Variants in CNTN5 observed in about 807,000 individuals in gnomAD.
The protein encoded by CNTN5 is contactin 5.
Under a neutral mutation model 129.1 loss-of-function variants are expected in CNTN5, and 77 were observed. The ratio of observed to expected loss-of-function variants is 0.60; its 90% CI spans 0.50 to 0.72. The LOEUF (loss-of-function observed/expected upper bound fraction) is 0.72. CNTN5 is among the 30% of genes least tolerant of loss of function. The pLI, the probability that CNTN5 is intolerant of heterozygous loss-of-function variation, is 0.00. For missense variants in CNTN5, 1,478 were observed against 1,328.8 expected, an observed-to-expected ratio of 1.11 and a Z score of -1.75; for synonymous variants, 509 against 465.6, an observed-to-expected ratio of 1.09 and a Z score of -1.20.
At chr11:99,056,174 C>A (rs1864616721) in intron 1 of CNTN5, among the ~76,000 whole-genome samples, 1 of 151,414 alleles carries the variant, frequency 6.6e-6, no homozygotes, top group South Asian at 2.1e-4. Flanking sequence ...TAAACTTATT[C>A]ACTGGTAAGC....
intron 2 of CNTN5, among the ~76,000 whole-genome samples, chr11:99,366,354 A>G (rs1939445232): frequency 6.6e-6 from 1 of 152,144 alleles, no homozygotes; most frequent in African/African-American, 2.4e-5. Flanking sequence ...TCACAATCAC[A>G]GAACAGGAAA....
At chr11:99,594,104 T>C (rs1838572186) in intron 3 of CNTN5, among the ~76,000 whole-genome samples, 2 of 152,230 alleles carry the variant, frequency 1.3e-5, no homozygotes. Flanking sequence ...GAATAGTCTC[T>C]ATTTTTCATG....
At position 100,042,418 on chromosome 11, in the gene CNTN5, T is replaced by C. The variant is rs376066752; in HGVS notation, c.981-18794T>C. On this transcript the variant is annotated intron_variant, in intron 9 of 24. Transcript: ENST00000524871. ...CACAAAGGAGCCATAACTGTATATA[T>C]TTTCACATCAGATGTAAAATTCATA... Among the ~76,000 whole-genome samples, 6 of 152,310 alleles carry C rather than the reference T, an allele frequency of 3.9e-5. No homozygotes were observed. The South Asian group carries it at 6.2e-4, about 16-fold the overall frequency.
chr11:100,193,499 A>G lies in CNTN5; in HGVS notation c.1720A>G (p.Ile574Val), dbSNP rs1948552635. The G allele has an allele frequency of 1.9e-6, 3 of 1,590,600 alleles. No individual in the cohort carries two copies. Among genetic ancestry groups the G allele is most frequent in the Non-Finnish European group, 2.6e-6 (3 of 1,165,360 alleles). The change falls in exon 15 of 25, where the codon ATA (isoleucine) becomes GTA (valine). Residue 574 changes from isoleucine (I) to valine (V), a missense_variant. Ile to Val is a conservative substitution (Grantham distance 29). Coordinates refer to ENST00000524871, the MANE Select transcript of CNTN5 (RefSeq NM_014361.4). Reference sequence around the variant, plus strand: ...TTTTATTTCTATAGAACCTACAAGGATAGAACTTACTCCTAAAAGAACAGA... The same window carrying G: ...TTTTATTTCTATAGAACCTACAAGGGTAGAACTTACTCCTAAAAGAACAGA... The part of the protein sequence containing the change: ...ASLSVKEPTR[I>V]ELTPKRTELT...
intron 1 of CNTN5, among the ~76,000 whole-genome samples, chr11:99,173,895 C>T (rs1001009513): frequency 1.3e-5 from 2 of 152,082 alleles, no homozygotes; most frequent in Non-Finnish European, 2.9e-5. Context: ...GATGGTGGCT[C>T]TATAATTTTT....
chr11:99,200,998 C>A (rs149496438), intron 1 of CNTN5, among the ~76,000 whole-genome samples: 1 of 148,602 alleles, frequency 6.7e-6, no homozygotes, highest in Non-Finnish European at 1.5e-5. Flanking sequence ...GCCTGCCCAC[C>A]TGCCTTCCTT....
chr11:100,308,121 T>C (rs1395633299), intron 20 of CNTN5, among the ~76,000 whole-genome samples: 2 of 151,818 alleles, frequency 1.3e-5, no homozygotes, highest in Non-Finnish European at 3.0e-5. Context: ...ATCCAAGGAT[T>C]AATGTCTTTG....
chr11:100,229,953 AAG>A (rs1178384967), intron 16 of CNTN5, among the ~76,000 whole-genome samples: 5 of 152,162 alleles, frequency 3.3e-5, no homozygotes, highest in African/African-American at 1.2e-4. Context: ...ATTTGAACGC[AAG>A]AGAGTCTCCA....
chr11:99,463,514 A>G (rs1316099740), intron 2 of CNTN5, among the ~76,000 whole-genome samples: 2 of 150,938 alleles, frequency 1.3e-5, no homozygotes, highest in African/African-American at 4.9e-5. Flanking sequence ...AACTCATTAT[A>G]CTTAAAAAAT....
chr11:99,129,184 G>A (rs566775401), intron 1 of CNTN5, among the ~76,000 whole-genome samples: 12 of 152,204 alleles, frequency 7.9e-5, no homozygotes, highest in African/African-American at 2.6e-4. Context: ...CTAACCCAAT[G>A]CAAAGAAACT....
At chr11:99,473,554 T>A (rs1193858373) in intron 2 of CNTN5, among the ~76,000 whole-genome samples, 1 of 123,146 alleles carries the variant, frequency 8.1e-6, no homozygotes, top group Non-Finnish European at 1.7e-5. Flanking sequence ...ACTGAAGTGA[T>A]TTTTTTTTTC....
chr11:100,164,404 ATCTT>A (rs1947556963), intron 13 of CNTN5, among the ~76,000 whole-genome samples: 1 of 151,800 alleles, frequency 6.6e-6, no homozygotes. Context: ...AGATAGCTAT[ATCTT>A]TCTTATTCTA....
rs73000231 is a variant in CNTN5 at position 99,254,742 on chromosome 11, G to A, written c.-209-70604G>A. ...TAAATCAACAGATTTTAATAATAAT[G>A]TATGCTATCATTTAATTAACTTATT... On this transcript the variant is annotated intron_variant, in intron 1 of 24. Coordinates refer to ENST00000524871, the MANE Select transcript of CNTN5 (RefSeq NM_014361.4). Among the ~76,000 whole-genome samples the A allele has an allele frequency of 2.5e-3, 380 of 151,920 alleles. 1 individual carries two copies. Among genetic ancestry groups the A allele is most frequent in the Non-Finnish European group, 4.5e-3 (304 of 67,866 alleles).
chr11:99,967,059 G>A (rs1043024566), intron 8 of CNTN5, among the ~76,000 whole-genome samples: 13 of 152,126 alleles, frequency 8.5e-5, no homozygotes, highest in African/African-American at 2.9e-4. Context: ...TGATATCTGA[G>A]TTTAGTTTTG....
chr11:99,078,133 A>G (rs183719756), intron 1 of CNTN5, among the ~76,000 whole-genome samples: 17 of 152,328 alleles, frequency 1.1e-4, no homozygotes, highest in Admixed American at 3.3e-4. Context: ...ATTGATATTA[A>G]TGTCATTTCT....
chr11:99,945,752 A>T (rs2136128585), intron 7 of CNTN5, among the ~76,000 whole-genome samples: 1 of 152,106 alleles, frequency 6.6e-6, no homozygotes, highest in African/African-American at 2.4e-5. Context: ...GTATAAAGGC[A>T]TCTTTTTCTA....
chr11:99,747,887 CTCTATA>C (rs1944107223), intron 3 of CNTN5, among the ~76,000 whole-genome samples: 1 of 152,050 alleles, frequency 6.6e-6, no homozygotes, highest in Admixed American at 6.6e-5. Flanking sequence ...TGCATTTCTT[CTCTATA>C]TCTAATTGTT....
intron 2 of CNTN5, among the ~76,000 whole-genome samples, chr11:99,368,205 A>C (rs1407024566): frequency 1.4e-5 from 2 of 146,128 alleles, no homozygotes; most frequent in East Asian, 3.9e-4. Flanking sequence ...ATTCCCCTTT[A>C]TCAATTCATT....
chr11:100,178,836 GT>G (rs2138441761), intron 13 of CNTN5, among the ~76,000 whole-genome samples: 1 of 152,244 alleles, frequency 6.6e-6, no homozygotes, highest in South Asian at 2.1e-4. Flanking sequence ...TTAAATGAAG[GT>G]GATATATTGA....
Sources: gnomAD v4.1 joint callset for allele counts (sites outside exome capture counted in the v4.1 genomes callset) on GRCh38, gnomAD v4.1.1 for gene constraint, MANE v1.5 for transcripts, NCBI Gene and HGNC (gene_info 2026-07-23, HGNC 2026-07-21) for gene names.